Variants in PDGFRB observed in about 807,000 individuals in gnomAD.
PDGFRB encodes the protein platelet derived growth factor receptor beta.
Under a neutral mutation model 120.2 loss-of-function variants are expected in PDGFRB, and 42 were observed. That is an observed-to-expected ratio of 0.35 (90% confidence interval 0.27 to 0.45). The LOEUF (loss-of-function observed/expected upper bound fraction) is 0.45, where lower values mean the gene tolerates loss of function less well. Ranked by LOEUF, PDGFRB falls within the 20% of genes least tolerant of loss-of-function variation. PDGFRB has a pLI of 1.00. For missense variants in PDGFRB, 1,149 were observed against 1,476.3 expected, an observed-to-expected ratio of 0.78 and a Z score of 3.63; for synonymous variants, 586 against 606.8, an observed-to-expected ratio of 0.97 and a Z score of 0.50.
At position 150,132,169 on chromosome 5, in the gene PDGFRB, G is replaced by C. The variant is rs972836866; in HGVS notation, c.1128-75C>G. 1.2e-6 allele frequency: 1 copy of C among 803,680 alleles called. No individual in the cohort carries two copies. Among genetic ancestry groups the C allele is most frequent in the Admixed American group, 2.1e-5 (1 of 48,568 alleles). 49.8% of individuals were successfully genotyped at this position (803,680 alleles called of 1,614,324 possible). A position where few individuals can be genotyped will look rare whatever the true frequency, so the allele number is the denominator to read the frequency against. On this transcript the variant is annotated intron_variant, in intron 7 of 22. Transcript: ENST00000261799. The surrounding 1 kb of genome is among the most constrained non-coding windows in gnomAD (Gnocchi z 5.0). ...CTCCCCACCCTCCTGGTATAAAGAGGAACAAGGCCCAGGGAGGGGAAGGGC... is the reference window on the plus strand; with the variant it reads ...CTCCCCACCCTCCTGGTATAAAGAGCAACAAGGCCCAGGGAGGGGAAGGGC...
intron 21 of PDGFRB, among the ~76,000 whole-genome samples, chr5:150,118,432 C>T (rs983239674): frequency 2.6e-5 from 4 of 152,182 alleles, no homozygotes; most frequent in Non-Finnish European, 5.9e-5. Context: ...GTTATTCACA[C>T]TTCTGAAGGA....
At chr5:150,118,933 C>T (rs772612188) in intron 20 of PDGFRB, 81 bp from the exon 21 acceptor site, 1 of 802,224 alleles carries the variant, frequency 1.2e-6, no homozygotes, top group Non-Finnish European at 2.1e-6. Context: ...GAGGCTGCTG[C>T]CTCTCAGAAC....
In PDGFRB at chr5:150,120,857, C is replaced by T. The variant is rs749341353; in HGVS notation, c.2586+31G>A. 1.6e-5 allele frequency: 25 copies of T among 1,609,754 alleles called. No homozygotes were observed. On this transcript the variant is annotated intron_variant, in intron 18 of 22. Transcript: ENST00000261799. The surrounding 1 kb of genome is among the most constrained non-coding windows in gnomAD (Gnocchi z 4.3). ...GTTCCTGCGGTCACAGGCACTGTGA[C>T]TGCCCTGCAGGGGCCAGGGAAGGTA...
chr5:150,133,858 AC>A (rs769971340), intron 5 of PDGFRB, 22 bp downstream of exon 5: 1 of 1,613,576 alleles, frequency 6.2e-7, no homozygotes, highest in African/African-American at 1.3e-5. Flanking sequence ...CCCTCCTCCG[AC>A]CCCTGCCTGG....
chr5:150,115,995 A>T (rs571512044), intron 22 of PDGFRB, 49 bp from the exon 23 acceptor site: 22 of 1,518,160 alleles, frequency 1.4e-5, no homozygotes, highest in Non-Finnish European at 1.9e-5. Context: ...GCCCAGGAGG[A>T]TTCCAGCAGC....
At chr5:150,138,228 C>G (rs1760691819) in intron 1 of PDGFRB, among the ~76,000 whole-genome samples, 1 of 152,192 alleles carries the variant, frequency 6.6e-6, no homozygotes, top group Non-Finnish European at 1.5e-5. Context: ...CAACAAGGAG[C>G]CTCCTCTGGC....
At chr5:150,124,864 T>G in intron 12 of PDGFRB, 33 bp from the exon 13 acceptor site, 1 of 1,159,644 alleles carries the variant, frequency 8.6e-7, no homozygotes, top group African/African-American at 1.5e-5. Flanking sequence ...GCTCCTGGCC[T>G]ACCAGGAAGC....
At chr5:150,141,297 A>G (rs1205957502) in intron 1 of PDGFRB, among the ~76,000 whole-genome samples, 1 of 152,202 alleles carries the variant, frequency 6.6e-6, no homozygotes, top group Non-Finnish European at 1.5e-5. Flanking sequence ...AGAACCCCAA[A>G]TTCACCTGAA....
intron 6 of PDGFRB, 36 bp downstream of exon 6, chr5:150,133,550 A>G: frequency 1.3e-6 from 2 of 1,579,604 alleles, no homozygotes; most frequent in Non-Finnish European, 1.7e-6. Flanking sequence ...GGAGCGTTGA[A>G]GGAATTGGGG....
intron 1 of PDGFRB, among the ~76,000 whole-genome samples, chr5:150,152,536 G>C (rs564669723): frequency 6.6e-6 from 1 of 152,164 alleles, no homozygotes; most frequent in East Asian, 1.9e-4. Flanking sequence ...TCAAATGCAA[G>C]AAATGGGTGG....
At chr5:150,117,507 A>C (rs1246048406) in intron 22 of PDGFRB, 111 bp downstream of exon 22, 1 of 650,702 alleles carries the variant, frequency 1.5e-6, no homozygotes. Flanking sequence ...TACGTAACTT[A>C]CCTCTGAGGC....
chr5:150,141,245 T>C (rs1760775922), intron 1 of PDGFRB, among the ~76,000 whole-genome samples: 1 of 152,236 alleles, frequency 6.6e-6, no homozygotes, highest in Non-Finnish European at 1.5e-5. Flanking sequence ...ACAGTTCACA[T>C]GTGTATGCAG....
Position 150,123,325 on chromosome 5 carries a change from T to G in PDGFRB, c.2024-124A>C, listed in dbSNP as rs542733978. On this transcript the variant is annotated intron_variant, in intron 14 of 22. Coordinates refer to ENST00000261799, the MANE Select transcript of PDGFRB (RefSeq NM_002609.4). ...TGGCATGACGGCTAGGAGGCTTTAG[T>G]GCCTTGCAAATCTGGATTCTTTTCC... 62 of 692,344 alleles carry G rather than the reference T, an allele frequency of 9.0e-5. No individual in the cohort carries two copies. The East Asian group carries it at 1.6e-3, about 18-fold the overall frequency. 42.9% of individuals were successfully genotyped at this position (692,344 alleles called of 1,614,324 possible).
In PDGFRB at chr5:150,117,538, GCGCGCGCACACACACACA is replaced by G. The variant is rs1340028069; in HGVS notation, c.3137+62_3137+79del. The G allele has an allele frequency of 2.5e-4, 146 of 586,070 alleles. No individual in the cohort carries two copies. In the African/African-American group the frequency reaches 3.1e-3, roughly 12 times the overall value. 36.3% of individuals were successfully genotyped at this position (586,070 alleles called of 1,614,324 possible). On this transcript the variant is annotated intron_variant, in intron 22 of 22. Transcript: ENST00000261799. ...GAGGCAAACCTGGCAGCGCGCGCGC[GCGCGCGCACACACACACA>G]CACACACACACACACACACACACTG...
rs1473502268 is a variant in PDGFRB, at chr5:150,132,815, G to T, written c.1062C>A (p.Asn354Lys). Residue 354 changes from asparagine to lysine, a missense_variant, in exon 7 of 23, where the codon AAC becomes AAA. By Grantham distance (94) the Asn-to-Lys change is moderately conservative (BLOSUM62 0). Around this residue, in one of 3 missense-constraint regions of PDGFRB, gnomAD observed 879 missense variants for 1,108.6 expected, o/e 0.79. Coordinates refer to ENST00000261799, the MANE Select transcript of PDGFRB (RefSeq NM_002609.4). The surrounding 1 kb of genome is among the most constrained non-coding windows in gnomAD (Gnocchi z 5.0). ...CAGCGCTGGAGTCGCCCAGGGTGCG[G>T]TTGTCTTTGAACCACAGGACAGTGG... ...PPPTVLWFKD[N>K]RTLGDSSAGE... 2.5e-6 allele frequency: 4 copies of T among 1,612,650 alleles called. No homozygotes were observed. Among genetic ancestry groups the T allele is most frequent in the Non-Finnish European group, 3.4e-6 (4 of 1,179,532 alleles).
At position 150,130,567 on chromosome 5, in the gene PDGFRB, T is replaced by C. The variant is rs756509220; in HGVS notation, c.1339A>G (p.Ile447Val). Residue 447 changes from isoleucine (I) to valine (V), a missense_variant, in exon 9 of 23, where the codon ATC becomes GTC. Around this residue, in one of 3 missense-constraint regions of PDGFRB, gnomAD observed 879 missense variants for 1,108.6 expected, o/e 0.79. Coordinates refer to ENST00000261799, the MANE Select transcript of PDGFRB (RefSeq NM_002609.4). ...TTGAGGTCTCTGCAGGCAGACCAGA[T>C]GATGTTCGGCTGGGGCATGCCCCGG... ...RGRGMPQPNI[I>V]WSACRDLKRC... 10 of 1,612,896 alleles carry C rather than the reference T, an allele frequency of 6.2e-6. No individual in the cohort carries two copies. Among genetic ancestry groups the C allele is most frequent in the South Asian group, 3.3e-5 (3 of 91,008 alleles).
Position 150,117,639 on chromosome 5 carries a change from T to C in PDGFRB, c.3116A>G (p.Glu1039Gly), listed in dbSNP as rs1195710331. The change falls in exon 22 of 23, where the codon GAG (glutamate) becomes GGG (glycine). Residue 1039 changes from glutamate (E) to glycine (G), a missense_variant. Physicochemically the swap from Glu to Gly is moderately conservative, Grantham distance 98. Around this residue, in one of 3 missense-constraint regions of PDGFRB, gnomAD observed 202 missense variants for 214.3 expected, o/e 0.94. Transcript: ENST00000261799. ...TTACCTGGCTAGGCTGGGGGAACCC[T>C]CCAGTGGGCCCTCGTCAGCAACCTC... Reference protein sequence around the residue: ...KPEVADEGPLEGSPSLASSTL... With the variant: ...KPEVADEGPLGGSPSLASSTL... 1 of 1,610,266 alleles carries C rather than the reference T, an allele frequency of 6.2e-7. No homozygotes were observed. Among genetic ancestry groups the C allele is most frequent in the East Asian group, 2.2e-5 (1 of 44,664 alleles).
intron 1 of PDGFRB, among the ~76,000 whole-genome samples, chr5:150,152,656 C>G (rs962265705): frequency 6.6e-6 from 1 of 152,246 alleles, no homozygotes; most frequent in Non-Finnish European, 1.5e-5. Flanking sequence ...GGCAGCTGGT[C>G]TCAGAGTCAG....
chr5:150,122,131 T>A (rs1580797241), intron 15 of PDGFRB, 91 bp from the exon 16 acceptor site: 1 of 896,246 alleles, frequency 1.1e-6, no homozygotes, highest in South Asian at 1.5e-5. Context: ...CTTCTCTCAC[T>A]CACACACTCA....
Sources: allele counts gnomAD v4.1 joint callset (sites outside exome capture counted in the v4.1 genomes callset), GRCh38; gene constraint gnomAD v4.1.1; regional missense constraint gnomAD v4.1.1; non-coding constraint Gnocchi (gnomAD v3.1); transcripts MANE v1.5; gene names NCBI Gene and HGNC (gene_info 2026-07-23, HGNC 2026-07-21).